The following THAP9 variants were observed in gnomAD, a reference collection of about 807,000 sequenced individuals.
THAP9 encodes the protein DNA transposase THAP9.
In THAP9, 20 loss-of-function variants were observed where a neutral mutation model predicts 35.7. That is an observed-to-expected ratio of 0.56 (90% CI 0.39 to 0.81). The LOEUF (loss-of-function observed/expected upper bound fraction) is 0.81, where lower values mean the gene tolerates loss of function less well. Ranked by LOEUF, THAP9 falls within the 40% of genes least tolerant of loss-of-function variation. THAP9 has a pLI of 0.00. For synonymous variants in THAP9, 335 were observed against 373.7 expected, an observed-to-expected ratio of 0.90 and a Z score of 1.19; for missense variants, 870 against 1,047.4, an observed-to-expected ratio of 0.83 and a Z score of 2.34.
At chr4:82,904,125 T>G (rs924870193) in intron 1 of THAP9, among the ~76,000 whole-genome samples, 8 of 143,176 alleles carry the variant, frequency 5.6e-5, no homozygotes, top group Admixed American at 3.0e-4. Context: ...AGTGTAATGG[T>G]GCGATCTCGG....
intron 4 of THAP9, among the ~76,000 whole-genome samples, chr4:82,909,154 C>T (rs1160665037): frequency 1.3e-5 from 2 of 152,026 alleles, no homozygotes; most frequent in African/African-American, 2.4e-5. Flanking sequence ...ATCCACCCAC[C>T]TCGGCCTCCC....
chr4:82,910,127 A>G (rs1393522481), intron 4 of THAP9: 1 of 152,020 alleles, frequency 6.6e-6, no homozygotes, highest in Non-Finnish European at 1.5e-5. Context: ...TCCTAGATTA[A>G]ATCTTCCTGG....
chr4:82,906,008 C>G, intron 2 of THAP9: 3 of 461,770 alleles, frequency 6.5e-6, no homozygotes, highest in Non-Finnish European at 1.3e-5. Context: ...CTTCATTAAC[C>G]ATGTTATTGT....
intron 2 of THAP9, 117 bp from the exon 3 acceptor site, chr4:82,906,207 T>C (rs1308682720): frequency 1.2e-6 from 1 of 846,570 alleles, no homozygotes; most frequent in Non-Finnish European, 1.8e-6. Flanking sequence ...TGACCTTTTC[T>C]TTCCTAACTA....
chr4:82,919,066 A>G lies in THAP9; in HGVS notation c.*142A>G. ...GACTTATTAAAATTTCAAATTCTGC[A>G]TATCACAAAATCTCCTTATACTTTT... is the stretch of plus-strand genomic sequence containing the variant. On this transcript the variant is annotated 3_prime_UTR_variant, in exon 5 of 5. Transcript: ENST00000302236. The G allele has an allele frequency of 1.5e-6, 1 of 659,398 alleles. No homozygotes were observed. The highest frequency in any genetic ancestry group is 2.5e-6 in the Non-Finnish European group (1 of 407,930). The allele number at this position is 659,398 out of a possible 1,614,324, so 40.8% of individuals were successfully genotyped here.
intron 2 of THAP9, 44 bp from the exon 3 acceptor site, chr4:82,906,278 ATG>A: frequency 7.0e-7 from 1 of 1,437,460 alleles, no homozygotes; most frequent in African/African-American, 1.4e-5. Context: ...ATACTCTTCT[ATG>A]TGATTATTTC....
intron 4 of THAP9, among the ~76,000 whole-genome samples, chr4:82,911,490 A>C (rs1325723531): frequency 6.6e-6 from 1 of 152,164 alleles, no homozygotes; most frequent in African/African-American, 2.4e-5. Flanking sequence ...GCTACTCGGG[A>C]GGCTGAGGCA....
rs138975450 is a variant in THAP9 at position 82,913,001 on chromosome 4, C to T, written c.732-3943C>T. 1.1e-4 allele frequency among the ~76,000 whole-genome samples: 17 copies of T among 152,144 alleles called. No individual in the cohort carries two copies. In the East Asian group the frequency reaches 3.1e-3, roughly 28 times the overall value. On this transcript the variant is annotated intron_variant, in intron 4 of 4. Coordinates refer to ENST00000302236, the MANE Select transcript of THAP9 (RefSeq NM_024672.6). ...TGAAAATTATATCTAGGTATGTATA[C>T]ATAAAGACATTAACAGTAACTTTTA...
At chr4:82,901,869 A>G (rs1480509216) in intron 1 of THAP9, among the ~76,000 whole-genome samples, 1 of 152,080 alleles carries the variant, frequency 6.6e-6, no homozygotes, top group Non-Finnish European at 1.5e-5. Flanking sequence ...ATGAATTCCA[A>G]TTTTAATTGA....
intron 4 of THAP9, among the ~76,000 whole-genome samples, chr4:82,909,224 T>C (rs986881855): frequency 2.6e-5 from 4 of 152,070 alleles, no homozygotes; most frequent in African/African-American, 9.7e-5. Context: ...TTATAAAAAA[T>C]TATAGATTTT....
chr4:82,909,837 T>C (rs1720801799), intron 4 of THAP9: 1 of 152,178 alleles, frequency 6.6e-6, no homozygotes, highest in South Asian at 2.1e-4. Flanking sequence ...TTTGGTTTTT[T>C]GTTTTCTGAT....
chr4:82,911,309 C>T lies in THAP9; in HGVS notation c.731+3374C>T, dbSNP rs143457833. ...TTTGTCTTTTAAAAAGATGGGGTCT[C>T]GGCTGGGCACAGTGACTCATGCCTG... On this transcript the variant is annotated intron_variant, in intron 4 of 4. Transcript: ENST00000302236. Among the ~76,000 whole-genome samples the T allele has an allele frequency of 8.8e-4, 133 of 151,472 alleles. 1 individual carries two copies. The highest frequency in any genetic ancestry group is 3.0e-3 in the African/African-American group (124 of 41,398).
chr4:82,907,039 C>T (rs1432819205), intron 3 of THAP9, among the ~76,000 whole-genome samples: 1 of 152,042 alleles, frequency 6.6e-6, no homozygotes, highest in African/African-American at 2.4e-5. Context: ...TACTAGTTTG[C>T]AGAATTTCTT....
chr4:82,912,933 CATT>C (rs1444606113), intron 4 of THAP9, among the ~76,000 whole-genome samples: 14 of 152,080 alleles, frequency 9.2e-5, no homozygotes, highest in Non-Finnish European at 1.6e-4. Flanking sequence ...ATATGTGAAA[CATT>C]AATTACCATT....
At position 82,918,322 on chromosome 4, in the gene THAP9, G is replaced by A. The variant is rs776972106; in HGVS notation, c.2110G>A (p.Ala704Thr). The A allele has an allele frequency of 6.2e-6, 10 of 1,614,052 alleles. No homozygotes were observed. In the Admixed American group the frequency reaches 1.7e-4, roughly 27 times the overall value. Residue 704 changes from alanine (A) to threonine (T), a missense_variant, in exon 5 of 5, where the codon GCA (alanine) becomes ACA (threonine). Transcript: ENST00000302236. ...QDWSHCSLSE[A>T]LLDLSDHRRN... ...CTGGTCTCATTGTTCACTAAGTGAG[G>A]CATTACTAGACCTGTCAGATCATAG...
At chr4:82,913,937 G>A (rs772234979) in intron 4 of THAP9, among the ~76,000 whole-genome samples, 11 of 151,710 alleles carry the variant, frequency 7.3e-5, no homozygotes, top group East Asian at 3.9e-4. Context: ...GGGTTTCACC[G>A]TATTGGCCAG....
intron 1 of THAP9, chr4:82,901,171 G>C: frequency 1.6e-6 from 1 of 642,274 alleles, no homozygotes; most frequent in East Asian, 3.1e-5. Context: ...CTTATTATTT[G>C]AAGTGAGGAG....
chr4:82,906,254 G>A (rs953471687), intron 2 of THAP9, 70 bp from the exon 3 acceptor site: 1 of 1,269,978 alleles, frequency 7.9e-7, no homozygotes, highest in Non-Finnish European at 1.1e-6. Flanking sequence ...TTTGTATTTA[G>A]GGTATTTTTA....
intron 4 of THAP9, among the ~76,000 whole-genome samples, chr4:82,911,280 G>A (rs1480672834): frequency 7.2e-6 from 1 of 139,826 alleles, no homozygotes; most frequent in African/African-American, 2.5e-5. Flanking sequence ...GTAGGAAAAT[G>A]AGTTTTGTCT....
Sources: allele counts gnomAD v4.1 joint callset (sites outside exome capture counted in the v4.1 genomes callset), GRCh38; gene constraint gnomAD v4.1.1; transcripts MANE v1.5; gene names NCBI Gene and HGNC (gene_info 2026-07-23, HGNC 2026-07-21).